ARID1B: variants seen among roughly 807,000 people sequenced by gnomAD.
ARID1B encodes AT-rich interaction domain 1B, also known as AT-rich interactive domain-containing protein 1B.
In ARID1B, 30 loss-of-function variants were observed where a neutral mutation model predicts 212.3. The ratio of observed to expected loss-of-function variants is 0.14; its 90% CI spans 0.11 to 0.19. The LOEUF (loss-of-function observed/expected upper bound fraction) is 0.19, where lower values mean the gene tolerates loss of function less well. Ranked by LOEUF, ARID1B falls within the 10% of genes least tolerant of loss-of-function variation. The probability of loss-of-function intolerance (pLI) is 1.00; values close to 1 mark genes in which losing one functional copy is unlikely to be tolerated. For missense variants in ARID1B, 2,891 were observed against 3,204.0 expected (o/e 0.90, Z 2.36); for synonymous variants, 1,402 against 1,301.7 (o/e 1.08, Z -1.66).
At chr6:156,802,958 C>T (rs1279092321) in intron 1 of ARID1B, among the ~76,000 whole-genome samples, 4 of 152,074 alleles carry the variant, frequency 2.6e-5, no homozygotes, top group Non-Finnish European at 5.9e-5. Context: ...AAAGCGTGAT[C>T]CTTATGCTAA....
At chr6:156,933,447 C>T (rs577070748) in intron 3 of ARID1B, among the ~76,000 whole-genome samples, 1 of 152,266 alleles carries the variant, frequency 6.6e-6, no homozygotes, top group East Asian at 1.9e-4. Flanking sequence ...GCAGGGCACC[C>T]AGCGGGAAGT....
intron 1 of ARID1B, among the ~76,000 whole-genome samples, chr6:156,826,830 C>T (rs1782773585): frequency 6.6e-6 from 1 of 152,102 alleles, no homozygotes; most frequent in African/African-American, 2.4e-5. Flanking sequence ...CACCTGACTC[C>T]CTTCCCTCCT....
At chr6:157,146,654 A>G (rs1789747951) in intron 7 of ARID1B, among the ~76,000 whole-genome samples, 1 of 152,212 alleles carries the variant, frequency 6.6e-6, no homozygotes. Context: ...GTGCATGCAC[A>G]CACACACACA....
intron 10 of ARID1B, 83 bp downstream of exon 10, chr6:157,174,200 G>A (rs1351572852): frequency 2.3e-5 from 29 of 1,258,008 alleles, no homozygotes; most frequent in Admixed American, 5.5e-5. Flanking sequence ...GGTGTTGGCC[G>A]ACACTTTTTT....
intron 4 of ARID1B, among the ~76,000 whole-genome samples, chr6:157,044,324 A>G (rs1782081616): frequency 7.0e-6 from 1 of 142,402 alleles, no homozygotes; most frequent in Non-Finnish European, 1.5e-5. Context: ...CCTGAGGATC[A>G]TATTTGGCAG....
chr6:156,945,089 AT>A (rs1189157210), intron 4 of ARID1B, among the ~76,000 whole-genome samples: 1 of 124,564 alleles, frequency 8.0e-6, no homozygotes, highest in African/African-American at 3.0e-5. Context: ...AGTCGGGCTA[AT>A]TTTTTTGTAT....
At chr6:156,997,492 A>G (rs982325459) in intron 4 of ARID1B, among the ~76,000 whole-genome samples, 1 of 152,248 alleles carries the variant, frequency 6.6e-6, no homozygotes, top group African/African-American at 2.4e-5. Flanking sequence ...AGCTTTCGGG[A>G]TGTTTTCTCT....
intron 1 of ARID1B, among the ~76,000 whole-genome samples, chr6:156,782,994 G>A (rs1440786224): frequency 6.6e-6 from 1 of 150,836 alleles, no homozygotes. Context: ...TTTTTTAGTG[G>A]TAGCCACTCT....
chr6:156,812,521 C>T (rs1308420267), intron 1 of ARID1B, among the ~76,000 whole-genome samples: 1 of 152,030 alleles, frequency 6.6e-6, no homozygotes, highest in African/African-American at 2.4e-5. Flanking sequence ...TTTGTTTCTT[C>T]TGTTTCTTAA....
At chr6:156,790,058 C>A (rs146651612) in intron 1 of ARID1B, among the ~76,000 whole-genome samples, 1 of 152,304 alleles carries the variant, frequency 6.6e-6, no homozygotes, top group Non-Finnish European at 1.5e-5. Flanking sequence ...AGTTCTAATC[C>A]ATACCATGGC....
chr6:157,163,140 T>C (rs1791055645), intron 8 of ARID1B, among the ~76,000 whole-genome samples: 1 of 152,182 alleles, frequency 6.6e-6, no homozygotes, highest in Non-Finnish European at 1.5e-5. Context: ...CCTAATTCAT[T>C]TGGAGCCGTC....
At chr6:156,828,186 T>C (rs1474620015) in intron 1 of ARID1B, among the ~76,000 whole-genome samples, 1 of 151,668 alleles carries the variant, frequency 6.6e-6, no homozygotes, top group Admixed American at 6.6e-5. Context: ...TGCCTTAGCC[T>C]GAACAGCTCG....
chr6:157,146,650 GCACA>G (rs145927361), intron 7 of ARID1B, among the ~76,000 whole-genome samples: 7 of 151,704 alleles, frequency 4.6e-5, no homozygotes, highest in South Asian at 2.1e-4. Flanking sequence ...GCACGTGCAT[GCACA>G]CACACACACA....
chr6:157,200,677 G>A lies in ARID1B; in HGVS notation c.4480-28G>A, dbSNP rs754792607. ...TGATTATACCTGTAAGAGCACATCA[G>A]GATGATTTGTCTTTCTGTGAATTCC... On this transcript the variant is annotated intron_variant, in intron 17 of 19. Transcript: ENST00000636930. This position sits in a 1 kb window ranked among gnomAD's most constrained non-coding sequence, Gnocchi z 4.3. The A allele has an allele frequency of 6.3e-7, 1 of 1,576,666 alleles. No homozygotes were observed. Among genetic ancestry groups the A allele is most frequent in the Non-Finnish European group, 8.6e-7 (1 of 1,161,660 alleles).
intron 2 of ARID1B, among the ~76,000 whole-genome samples, chr6:156,833,273 G>A (rs370914109): frequency 3.7e-4 from 57 of 152,036 alleles, no homozygotes; most frequent in African/African-American, 1.2e-3. Flanking sequence ...GATCAGGAAT[G>A]CAGGTTTTGT....
chr6:157,199,538 A>G (rs2128368572), intron 17 of ARID1B, among the ~76,000 whole-genome samples: 1 of 151,304 alleles, frequency 6.6e-6, no homozygotes, highest in South Asian at 2.1e-4. Flanking sequence ...AACTTTTCAG[A>G]TCTGAGAACT....
intron 1 of ARID1B, among the ~76,000 whole-genome samples, chr6:156,792,219 A>G (rs999074729): frequency 2.0e-5 from 3 of 152,232 alleles, no homozygotes; most frequent in African/African-American, 7.2e-5. Context: ...CAGCATATCC[A>G]TAAGAGTTTT....
At chr6:156,792,654 C>T (rs1437228187) in intron 1 of ARID1B, among the ~76,000 whole-genome samples, 2 of 152,164 alleles carry the variant, frequency 1.3e-5, no homozygotes, top group African/African-American at 4.8e-5. Context: ...AAGTGGTACT[C>T]CAGCTAGTGT....
chr6:157,020,485 C>T (rs1562554201), intron 4 of ARID1B, among the ~76,000 whole-genome samples: 1 of 151,990 alleles, frequency 6.6e-6, no homozygotes, highest in East Asian at 1.9e-4. Flanking sequence ...TTAACCCAAA[C>T]TTTAACTTTT....
Sources: allele counts gnomAD v4.1 joint callset (sites outside exome capture counted in the v4.1 genomes callset), GRCh38; gene constraint gnomAD v4.1.1; non-coding constraint Gnocchi (gnomAD v3.1); transcripts MANE v1.5; gene names NCBI Gene and HGNC (gene_info 2026-07-23, HGNC 2026-07-21).